The following SYNPR variants were observed in gnomAD, a reference collection of about 807,000 sequenced individuals.
SYNPR encodes the protein synaptoporin.
Under a neutral mutation model 32.9 loss-of-function variants are expected in SYNPR, and 23 were observed. That is an observed-to-expected ratio of 0.70 (90% CI 0.50 to 0.99). The LOEUF (loss-of-function observed/expected upper bound fraction) is 0.99. Ranked by LOEUF, SYNPR falls within the 50% of genes least tolerant of loss-of-function variation. The pLI, the probability that SYNPR is intolerant of heterozygous loss-of-function variation, is 0.00. For missense variants in SYNPR, 318 were observed against 349.3 expected (o/e 0.91, Z 0.71); for synonymous variants, 146 against 135.9 (o/e 1.07, Z -0.52).
the SYNPR span, among the ~76,000 whole-genome samples, chr3:63,220,782 C>A: frequency 6.6e-6 from 1 of 152,188 alleles, no homozygotes; most frequent in Non-Finnish European, 1.5e-5. Flanking sequence ...CTCTGCAGGT[C>A]CCACCCATTT....
intron 2 of SYNPR, among the ~76,000 whole-genome samples, chr3:63,403,471 T>C (rs200420988): frequency 1.7e-4 from 19 of 114,894 alleles, no homozygotes; most frequent in Admixed American, 3.4e-4. Flanking sequence ...CACACACACA[T>C]AGAGAGAGAG....
chr3:63,587,567 G>T (rs1703211038), intron 4 of SYNPR, among the ~76,000 whole-genome samples: 2 of 150,406 alleles, frequency 1.3e-5, no homozygotes, highest in African/African-American at 5.0e-5. Context: ...TGTAATTCTG[G>T]TGGAGAAAGA....
At chr3:63,361,000 A>G (rs2087651912) in intron 2 of SYNPR, among the ~76,000 whole-genome samples, 1 of 152,228 alleles carries the variant, frequency 6.6e-6, no homozygotes, top group East Asian at 1.9e-4. Flanking sequence ...GGCTTCCTGC[A>G]CGTAATGGAC....
chr3:63,334,396 G>A (rs1161818576), intron 2 of SYNPR, among the ~76,000 whole-genome samples: 1 of 152,172 alleles, frequency 6.6e-6, no homozygotes, highest in Non-Finnish European at 1.5e-5. Flanking sequence ...AAGGTTGCTT[G>A]CCTTGGGATT....
intron 2 of SYNPR, among the ~76,000 whole-genome samples, chr3:63,448,631 G>A (rs182119295): frequency 3.9e-5 from 6 of 152,168 alleles, no homozygotes; most frequent in Admixed American, 1.3e-4. Context: ...TTAATTGGGG[G>A]AAGATTTTAG....
intron 2 of SYNPR, among the ~76,000 whole-genome samples, chr3:63,343,264 T>C (rs1465184156): frequency 6.6e-6 from 1 of 152,224 alleles, no homozygotes; most frequent in Non-Finnish European, 1.5e-5. Flanking sequence ...CAACAGCTTT[T>C]CATGGTTTTA....
chr3:63,368,892 A>C (rs963009628), intron 2 of SYNPR, among the ~76,000 whole-genome samples: 1 of 152,340 alleles, frequency 6.6e-6, no homozygotes, highest in East Asian at 1.9e-4. Flanking sequence ...CAACAAGGAC[A>C]TTTCTTAGAG....
At chr3:63,361,625 G>T (rs1046433440) in intron 2 of SYNPR, among the ~76,000 whole-genome samples, 3 of 150,978 alleles carry the variant, frequency 2.0e-5, no homozygotes, top group Admixed American at 6.6e-5. Flanking sequence ...AAGGAGGGGG[G>T]GATATAAAGC....
chr3:63,486,018 C>T (rs576989750), intron 3 of SYNPR, among the ~76,000 whole-genome samples: 15 of 152,296 alleles, frequency 9.8e-5, no homozygotes, highest in South Asian at 2.1e-4. Context: ...TGTTTATTCT[C>T]ATGCCTCAGC....
intron 2 of SYNPR, among the ~76,000 whole-genome samples, chr3:63,441,372 G>A (rs1013496464): frequency 6.6e-6 from 1 of 152,136 alleles, no homozygotes; most frequent in African/African-American, 2.4e-5. Flanking sequence ...ACTGGGCTCC[G>A]TGAAGAAACA....
chr3:63,205,503 G>A, the SYNPR span, among the ~76,000 whole-genome samples: 50 of 152,180 alleles, frequency 3.3e-4, no homozygotes, highest in Non-Finnish European at 6.0e-4. Context: ...GGAGAAGGGT[G>A]CCTCTGAAAT....
intron 2 of SYNPR, among the ~76,000 whole-genome samples, chr3:63,332,871 G>C (rs975403610): frequency 2.0e-5 from 3 of 152,130 alleles, no homozygotes; most frequent in Admixed American, 6.5e-5. Flanking sequence ...ATTTTGGGCT[G>C]CCTGGTCCCT....
chr3:63,393,920 C>A (rs1004153139), intron 2 of SYNPR, among the ~76,000 whole-genome samples: 3 of 152,082 alleles, frequency 2.0e-5, no homozygotes, highest in Non-Finnish European at 2.9e-5. Flanking sequence ...CTGTTTATAT[C>A]TTTTGTCTAC....
At chr3:63,331,705 G>A (rs2087231798) in intron 2 of SYNPR, among the ~76,000 whole-genome samples, 1 of 152,156 alleles carries the variant, frequency 6.6e-6, no homozygotes, top group Non-Finnish European at 1.5e-5. Flanking sequence ...CAGCCCAGTA[G>A]TAAGAACCTG....
chr3:63,335,766 CTT>C (rs3082128), intron 2 of SYNPR, among the ~76,000 whole-genome samples: 15 of 91,464 alleles, frequency 1.6e-4, no homozygotes, highest in African/African-American at 7.3e-4. Flanking sequence ...TATTAGCTTC[CTT>C]TTTTTTTTTT....
At chr3:63,460,551 C>T (rs373750838) in intron 2 of SYNPR, among the ~76,000 whole-genome samples, 1 of 101,984 alleles carries the variant, frequency 9.8e-6, no homozygotes, top group South Asian at 3.1e-4. Flanking sequence ...AAGACAACAG[C>T]ATAGGTGAGG....
intron 2 of SYNPR, among the ~76,000 whole-genome samples, chr3:63,256,256 C>T (rs1015320710): frequency 5.3e-5 from 8 of 152,204 alleles, no homozygotes; most frequent in East Asian, 1.9e-4. Context: ...GATATCAGAA[C>T]GGACAGACTG....
At chr3:63,205,012 C>G in the SYNPR span, among the ~76,000 whole-genome samples, 1 of 152,088 alleles carries the variant, frequency 6.6e-6, no homozygotes, top group Non-Finnish European at 1.5e-5. Context: ...TCTGTTGACT[C>G]TGACTGTTCC....
intron 2 of SYNPR, among the ~76,000 whole-genome samples, chr3:63,373,918 G>C (rs1038351499): frequency 2.0e-5 from 3 of 152,180 alleles, no homozygotes; most frequent in Non-Finnish European, 4.4e-5. Flanking sequence ...GAGATTGGGG[G>C]CCTATGTTCA....
Sources: allele counts gnomAD v4.1 joint callset (sites outside exome capture counted in the v4.1 genomes callset), GRCh38; gene constraint gnomAD v4.1.1; transcripts MANE v1.5; gene names NCBI Gene and HGNC (gene_info 2026-07-23, HGNC 2026-07-21).